Variants in PGM5 observed in about 807,000 individuals in gnomAD.
PGM5 encodes the protein phosphoglucomutase 5.
Under a neutral mutation model 59.2 loss-of-function variants are expected in PGM5, and 23 were observed. That is an observed-to-expected ratio of 0.39 (90% CI 0.28 to 0.55). PGM5 has a LOEUF of 0.55. Among genes scored for constraint, PGM5 ranks in the 20% least tolerant of loss-of-function variants. The pLI is 0.66. For synonymous variants in PGM5, 214 were observed against 286.0 expected, an observed-to-expected ratio of 0.75 and a Z score of 2.54; for missense variants, 574 against 748.3, an observed-to-expected ratio of 0.77 and a Z score of 2.72.
chr9:68,414,243 A>G (rs572379457), intron 6 of PGM5, among the ~76,000 whole-genome samples: 1 of 152,296 alleles, frequency 6.6e-6, no homozygotes, highest in South Asian at 2.1e-4. Context: ...TGAGCTAAAT[A>G]GACCTCTTTT....
chr9:68,518,713 G>A (rs982827468), intron 10 of PGM5, among the ~76,000 whole-genome samples: 1 of 152,188 alleles, frequency 6.6e-6, no homozygotes, highest in African/African-American at 2.4e-5. Flanking sequence ...CTTATGATTT[G>A]CAGAACAAAG....
At chr9:68,414,015 A>T (rs1554681808) in intron 6 of PGM5, among the ~76,000 whole-genome samples, 2 of 152,172 alleles carry the variant, frequency 1.3e-5, no homozygotes, top group Non-Finnish European at 2.9e-5. Context: ...GAATAAATTA[A>T]TTGTGTCTCT....
chr9:68,376,849 TTC>T (rs1237623530), intron 1 of PGM5, among the ~76,000 whole-genome samples: 9 of 131,668 alleles, frequency 6.8e-5, no homozygotes, highest in East Asian at 4.6e-4. Flanking sequence ...CTTTCTTTCT[TTC>T]TCTTTCTTTC....
chr9:68,516,069 TA>T (rs1444202654), intron 10 of PGM5, among the ~76,000 whole-genome samples: 1 of 152,216 alleles, frequency 6.6e-6, no homozygotes, highest in Non-Finnish European at 1.5e-5. Context: ...GTTTTACAAA[TA>T]AGAAAACTTT....
In PGM5 at chr9:68,461,209, A is replaced by G. The variant is rs142903396; in HGVS notation, c.1044-3884A>G. Among the ~76,000 whole-genome samples, 692 of 152,244 alleles carry G rather than the reference A, an allele frequency of 4.5e-3. 1 individual carries two copies. The highest frequency in any genetic ancestry group is 6.8e-3 in the Middle Eastern group (2 of 294). On this transcript the variant is annotated intron_variant, in intron 6 of 10. Transcript: ENST00000396396. ...CAGCCGCCTTCAACACATGGCTTTT[A>G]AGATTGCTGGGCTTGTCCACATCAA...
At chr9:68,375,788 CATAGTATTAT>C (rs1381628198) in intron 1 of PGM5, among the ~76,000 whole-genome samples, 1 of 152,122 alleles carries the variant, frequency 6.6e-6, no homozygotes, top group East Asian at 1.9e-4. Context: ...GACTTCTGGC[CATAGTATTAT>C]ATAGGGCTGT....
At chr9:68,398,329 C>T (rs1822567582) in intron 6 of PGM5, 1 of 152,196 alleles carries the variant, frequency 6.6e-6, no homozygotes, top group African/African-American at 2.4e-5. Flanking sequence ...AAAGAGATGG[C>T]ACCCTCAAAA....
chr9:68,392,921 G>A (rs1348720226), intron 6 of PGM5, among the ~76,000 whole-genome samples: 1 of 152,094 alleles, frequency 6.6e-6, no homozygotes, highest in Non-Finnish European at 1.5e-5. Context: ...ATTATATTAT[G>A]TTCAAATGCT....
intron 6 of PGM5, among the ~76,000 whole-genome samples, chr9:68,451,124 C>T (rs1262927273): frequency 6.6e-6 from 1 of 152,166 alleles, no homozygotes; most frequent in African/African-American, 2.4e-5. Flanking sequence ...CACACATACA[C>T]ACATGCATTT....
At chr9:68,358,849 A>T (rs1341074368) in intron 1 of PGM5, among the ~76,000 whole-genome samples, 40 of 152,118 alleles carry the variant, frequency 2.6e-4, no homozygotes, top group East Asian at 3.9e-4. Context: ...GTAGACAATG[A>T]TGCTGGATAT....
At chr9:68,453,486 A>C (rs1403755417) in intron 6 of PGM5, among the ~76,000 whole-genome samples, 1 of 151,978 alleles carries the variant, frequency 6.6e-6, no homozygotes, top group Non-Finnish European at 1.5e-5. Context: ...CTACAGGTGC[A>C]CACCACCACA....
At chr9:68,414,793 G>C (rs1357837131) in intron 6 of PGM5, among the ~76,000 whole-genome samples, 1 of 145,926 alleles carries the variant, frequency 6.9e-6, no homozygotes, top group Non-Finnish European at 1.5e-5. Flanking sequence ...AGAAGAGGAG[G>C]TATTTGAAGA....
At chr9:68,387,862 A>G (rs193103364) in intron 4 of PGM5, among the ~76,000 whole-genome samples, 37 of 152,146 alleles carry the variant, frequency 2.4e-4, no homozygotes, top group Middle Eastern at 3.4e-3. Context: ...TGCATGGCAT[A>G]GTTTAAACAG....
chr9:68,449,665 A>C (rs1823665028), intron 6 of PGM5, among the ~76,000 whole-genome samples: 1 of 152,170 alleles, frequency 6.6e-6, no homozygotes, highest in Non-Finnish European at 1.5e-5. Flanking sequence ...GCTTGTAGAA[A>C]AGCAGTGACT....
chr9:68,450,209 A>G (rs1169492231), intron 6 of PGM5, among the ~76,000 whole-genome samples: 1 of 152,354 alleles, frequency 6.6e-6, no homozygotes, highest in South Asian at 2.1e-4. Flanking sequence ...TGTCTTAACT[A>G]TTTTAAACTT....
chr9:68,419,232 A>T (rs1823087350), intron 6 of PGM5, among the ~76,000 whole-genome samples: 1 of 152,198 alleles, frequency 6.6e-6, no homozygotes, highest in Non-Finnish European at 1.5e-5. Flanking sequence ...AAGAAGATGA[A>T]TAGAAGATAA....
chr9:68,530,111 A>T lies in PGM5; in HGVS notation c.*455A>T, dbSNP rs1453524209. 6.4e-6 allele frequency: 1 copy of T among 155,634 alleles called. No homozygotes were observed. Among genetic ancestry groups the T allele is most frequent in the African/African-American group, 2.4e-5 (1 of 41,452 alleles). The allele number at this position is 155,634 out of a possible 1,614,324, so 9.6% of individuals were successfully genotyped here. On this transcript the variant is annotated 3_prime_UTR_variant, in exon 11 of 11. Transcript: ENST00000396396. ...AGCATGGAGGAGGGTTTATCTTTTC[A>T]TCCTAGGTCAGGTCTACAATGGGGG...
chr9:68,419,907 G>A (rs1823099374), intron 6 of PGM5, among the ~76,000 whole-genome samples: 1 of 152,128 alleles, frequency 6.6e-6, no homozygotes, highest in Non-Finnish European at 1.5e-5. Flanking sequence ...AAGACTGTCT[G>A]TTAAAATCAG....
At chr9:68,483,566 C>G (rs1824235025) in intron 8 of PGM5, among the ~76,000 whole-genome samples, 1 of 152,164 alleles carries the variant, frequency 6.6e-6, no homozygotes, top group African/African-American at 2.4e-5. Context: ...TGGGCCAGGG[C>G]AGATCCCACA....
Sources: allele counts gnomAD v4.1 joint callset (sites outside exome capture counted in the v4.1 genomes callset), GRCh38; gene constraint gnomAD v4.1.1; transcripts MANE v1.5; gene names NCBI Gene and HGNC (gene_info 2026-07-23, HGNC 2026-07-21).